The following TRIM14 variants were observed in gnomAD, a reference collection of about 807,000 sequenced individuals.
The protein encoded by TRIM14 is tripartite motif containing 14.
TRIM14 carries 28 observed loss-of-function variants against 44.5 expected under a neutral mutation model. That is an observed-to-expected ratio of 0.63 (90% CI 0.47 to 0.86). TRIM14 has a LOEUF of 0.86. TRIM14 is among the 40% of genes least tolerant of loss of function. TRIM14 has a pLI of 0.00. For synonymous variants in TRIM14, 299 were observed against 269.2 expected, an observed-to-expected ratio of 1.11 and a Z score of -1.08; for missense variants, 607 against 611.1, an observed-to-expected ratio of 0.99 and a Z score of 0.07.
chr9:98,056,986 G>C, the TRIM14 span: 7 of 1,516,600 alleles, frequency 4.6e-6, 1 homozygote, highest in Non-Finnish European at 6.2e-6. Context: ...GCCGGGAGGG[G>C]CGGGGCGGGG....
At position 98,100,088 on chromosome 9, in the gene TRIM14, G is replaced by A. The variant is rs760502317; in HGVS notation, c.380C>T (p.Ala127Val). ...TTTATCAATGAATTTCTTGGCCAGC[G>A]CTTCCTCTTCGTCAAGTAGTAATCT... ...ELRLLLDEEE[A>V]LAKKFIDKNT... is the part of the protein sequence containing the mutation. Residue 127 changes from alanine (A) to valine (V), a missense_variant, in exon 3 of 6, where the codon GCG (alanine) becomes GTG (valine). Ala to Val is a moderately conservative substitution (Grantham distance 64, BLOSUM62 0). Around this residue, in one of 3 missense-constraint regions of TRIM14, gnomAD observed 246 missense variants for 270.8 expected, o/e 0.91. Transcript: ENST00000341469. The A allele has an allele frequency of 5.9e-5, 96 of 1,614,042 alleles. No homozygotes were observed. The highest frequency in any genetic ancestry group is 7.6e-5 in the Non-Finnish European group (90 of 1,180,038).
the TRIM14 span, among the ~76,000 whole-genome samples, chr9:98,044,132 C>T: frequency 6.6e-6 from 1 of 151,408 alleles, no homozygotes; most frequent in African/African-American, 2.4e-5. Context: ...GGTGTTACTG[C>T]CCTCTTAGCG....
chr9:98,075,083 A>C (rs1345690140), intron 6 of TRIM14: 1 of 151,852 alleles, frequency 6.6e-6, no homozygotes, highest in East Asian at 1.9e-4. Context: ...GGGTGGGACA[A>C]CTGCTTGAGG....
chr9:98,077,977 G>C (rs578093088), intron 6 of TRIM14: 1 of 594,284 alleles, frequency 1.7e-6, no homozygotes, highest in African/African-American at 1.9e-5. Context: ...TTTTGCTCAA[G>C]AACACTGTCG....
intron 1 of TRIM14, among the ~76,000 whole-genome samples, chr9:98,110,884 A>G (rs979526221): frequency 1.3e-5 from 2 of 151,446 alleles, no homozygotes; most frequent in Non-Finnish European, 2.9e-5. Flanking sequence ...AAAATAAAAT[A>G]AAATAAAATA....
In TRIM14 at chr9:98,119,104, C is replaced by T; in HGVS notation, c.85G>A (p.Asp29Asn). Residue 29 changes from aspartate (D) to asparagine (N), a missense_variant, in exon 1 of 6, where the codon GAC (aspartate) becomes AAC (asparagine). Physicochemically the swap from Asp to Asn is conservative, Grantham distance 23 (BLOSUM62 1). Around this residue, in one of 3 missense-constraint regions of TRIM14, gnomAD observed 246 missense variants for 270.8 expected, o/e 0.91. Transcript: ENST00000341469. Reference sequence around the variant, plus strand: ...CGACAGAAGAGCTCAGCCACGCGGTCGCCATGCTCCGGGCAGCGCCAGCCG... The same window carrying T: ...CGACAGAAGAGCTCAGCCACGCGGTTGCCATGCTCCGGGCAGCGCCAGCCG... The part of the protein sequence containing the change: ...GCGWRCPEHG[D>N]RVAELFCRRC... The T allele has an allele frequency of 1.3e-6, 2 of 1,587,182 alleles. No individual in the cohort carries two copies. The highest frequency in any genetic ancestry group is 1.7e-6 in the Non-Finnish European group (2 of 1,176,174).
the TRIM14 span, among the ~76,000 whole-genome samples, chr9:98,053,802 A>AAAACAAAT: frequency 6.8e-6 from 1 of 146,452 alleles, no homozygotes; most frequent in Admixed American, 6.9e-5. Context: ...AGCCCACTAC[A>AAAACAAAT]AAATAAATAA....
At chr9:98,066,289 C>CA (rs1257910274), downstream of TRIM14, among the ~76,000 whole-genome samples, 9 of 152,200 alleles carry the variant, frequency 5.9e-5, no homozygotes, top group Admixed American at 5.9e-4. Context: ...AGGAGGTCCA[C>CA]AAAGGCAAAG....
chr9:98,043,767 C>T, the TRIM14 span, among the ~76,000 whole-genome samples: 1 of 150,908 alleles, frequency 6.6e-6, no homozygotes, highest in African/African-American at 2.4e-5. Context: ...GTTTTTATCT[C>T]AGTAGAAAAG....
At chr9:98,065,536 A>C (rs533014950), downstream of TRIM14, among the ~76,000 whole-genome samples, 1 of 114,246 alleles carries the variant, frequency 8.8e-6, no homozygotes, top group Non-Finnish European at 1.6e-5. Flanking sequence ...ACGGGGTTTC[A>C]CCATGTTGGC....
intron 2 of TRIM14, among the ~76,000 whole-genome samples, chr9:98,108,111 A>G (rs1366627381): frequency 7.2e-6 from 1 of 139,424 alleles, no homozygotes; most frequent in Non-Finnish European, 1.5e-5. Context: ...ATAGTGTGCT[A>G]TAGTTATGTA....
chr9:98,038,809 G>C, the TRIM14 span, among the ~76,000 whole-genome samples: 2 of 152,120 alleles, frequency 1.3e-5, no homozygotes, highest in Non-Finnish European at 2.9e-5. Context: ...CCAGCACTTT[G>C]GGAGGCCGAG....
downstream of TRIM14, among the ~76,000 whole-genome samples, chr9:98,082,357 G>C (rs1399986085): frequency 6.6e-6 from 1 of 152,150 alleles, no homozygotes; most frequent in African/African-American, 2.4e-5. Context: ...TTGGCTGTCT[G>C]CAACCCTGGC....
intron 2 of TRIM14, among the ~76,000 whole-genome samples, chr9:98,107,816 C>G (rs1452950855): frequency 6.8e-6 from 1 of 146,694 alleles, no homozygotes; most frequent in Non-Finnish European, 1.5e-5. Flanking sequence ...ATAGGCGCCA[C>G]CATTCCCGGC....
intron 6 of TRIM14, chr9:98,078,025 G>C: frequency 1.1e-6 from 1 of 949,222 alleles, no homozygotes. Context: ...GTGGCCGAGG[G>C]CAGGAACCCA....
At chr9:98,078,318 C>T in intron 6 of TRIM14, 1 of 1,613,988 alleles carries the variant, frequency 6.2e-7, no homozygotes, top group Non-Finnish European at 8.5e-7. Context: ...CCCGCTCCAG[C>T]CTGAGGACGT....
In TRIM14 at chr9:98,119,123, C is replaced by T; in HGVS notation, c.66G>A (p.Trp22Ter). 1 of 1,587,424 alleles carries T rather than the reference C, an allele frequency of 6.3e-7. No individual in the cohort carries two copies. Among genetic ancestry groups the T allele is most frequent in the Non-Finnish European group, 8.5e-7 (1 of 1,176,164 alleles). Residue 22 changes from tryptophan (W) to a stop codon, truncating the protein, a stop_gained, in exon 1 of 6, where the codon TGG becomes TGA. Coordinates refer to ENST00000341469, the MANE Select transcript of TRIM14 (RefSeq NM_014788.4). LOFTEE classifies it high-confidence loss of function. Reference protein sequence around the residue: ...GRSELVEGCGWRCPEHGDRVA... With the variant: ...GRSELVEGCG The stretch of plus-strand genomic sequence containing the variant: ...CGCGGTCGCCATGCTCCGGGCAGCG[C>T]CAGCCGCATCCCTCGACAAGCTCCG...
the TRIM14 span, among the ~76,000 whole-genome samples, chr9:98,059,220 TCA>T: frequency 2.0e-5 from 3 of 152,146 alleles, no homozygotes; most frequent in African/African-American, 7.2e-5. Context: ...AGACGGGGTT[TCA>T]CCATGTTAGC....
Position 98,106,093 on chromosome 9 carries a change from G to T in TRIM14, c.303+3796C>A, listed in dbSNP as rs529518526. 3.9e-5 allele frequency among the ~76,000 whole-genome samples: 6 copies of T among 152,244 alleles called. No homozygotes were observed. In the South Asian group the frequency reaches 8.3e-4, roughly 21 times the overall value. ...GCTCATGTCACAGTGCTCTGAAGGG[G>T]CACACTCACAATCCACAGTGTATTG... On this transcript the variant is annotated intron_variant, in intron 2 of 5. Coordinates refer to ENST00000341469, the MANE Select transcript of TRIM14 (RefSeq NM_014788.4).
Sources: allele counts gnomAD v4.1 joint callset (sites outside exome capture counted in the v4.1 genomes callset), GRCh38; gene constraint gnomAD v4.1.1; regional missense constraint gnomAD v4.1.1; transcripts MANE v1.5; gene names NCBI Gene and HGNC (gene_info 2026-07-23, HGNC 2026-07-21).